ZNF385C: variants seen among roughly 807,000 people sequenced by gnomAD.
ZNF385C encodes the protein CTD-2132N18.2.
In ZNF385C, 28 loss-of-function variants were observed where a neutral mutation model predicts 35.4. The observed-to-expected ratio is 0.79, with a 90% CI of 0.59 to 1.08. The LOEUF (loss-of-function observed/expected upper bound fraction) is 1.08, where lower values mean the gene tolerates loss of function less well. Among genes scored for constraint, ZNF385C ranks in the 50% least tolerant of loss-of-function variants. The pLI, the probability that ZNF385C is intolerant of heterozygous loss-of-function variation, is 0.00. For missense variants in ZNF385C, 605 were observed against 595.6 expected (o/e 1.02, Z -0.16); for synonymous variants, 248 against 248.2 (o/e 1.00, Z 0.01).
At chr17:42,084,156 C>A (rs1307474880) in intron 1 of ZNF385C, among the ~76,000 whole-genome samples, 1 of 151,186 alleles carries the variant, frequency 6.6e-6, no homozygotes, top group Non-Finnish European at 1.5e-5. Context: ...CTAGTCTGTG[C>A]TGAACATATC....
rs933908296 is a variant in ZNF385C, at chr17:42,025,868, G to T, written c.*1029C>A. 3.3e-5 allele frequency: 5 copies of T among 152,288 alleles called. No individual in the cohort carries two copies. Among genetic ancestry groups the T allele is most frequent in the Admixed American group, 1.3e-4 (2 of 15,292 alleles). The allele number at this position is 152,288 out of a possible 1,614,324, so 9.4% of individuals were successfully genotyped here. A position where few individuals can be genotyped will look rare whatever the true frequency, so the allele number is the denominator to read the frequency against. On this transcript the variant is annotated 3_prime_UTR_variant, in exon 9 of 9. Coordinates refer to ENST00000692273, the MANE Select transcript of ZNF385C (RefSeq NM_001392013.1). ...CTCAGCTTCACAGTGGCAGGGGCTG[G>T]TTGGGAGAAGGGAAAGCTGAATTTA...
intron 2 of ZNF385C, chr17:42,040,835 C>T: frequency 8.1e-7 from 1 of 1,232,358 alleles, no homozygotes; most frequent in Non-Finnish European, 1.0e-6. Context: ...TCTGTCCGGC[C>T]AGGGAGACAA....
intron 3 of ZNF385C, 60 bp from the exon 4 acceptor site, chr17:42,034,395 G>T: frequency 7.8e-7 from 1 of 1,289,990 alleles, no homozygotes; most frequent in African/African-American, 1.5e-5. Context: ...CAGGGGTCGG[G>T]GGCAGCACAA....
chr17:42,072,846 T>TATCCCGCCTACCCCGGCTGACC (rs1567994499), intron 1 of ZNF385C, among the ~76,000 whole-genome samples: 1 of 151,658 alleles, frequency 6.6e-6, no homozygotes, highest in Non-Finnish European at 1.5e-5. Context: ...CACGGGTGAG[T>TATCCCGCCTACCCCGGCTGACC]ATCCCGCCTA....
intron 1 of ZNF385C, among the ~76,000 whole-genome samples, chr17:42,068,969 G>T (rs1555658606): frequency 6.6e-6 from 1 of 152,212 alleles, no homozygotes; most frequent in Non-Finnish European, 1.5e-5. Context: ...GTAGAAAGAG[G>T]TGGGGCCAGA....
At chr17:42,055,521 G>A (rs1332647747) in intron 2 of ZNF385C, among the ~76,000 whole-genome samples, 1 of 152,170 alleles carries the variant, frequency 6.6e-6, no homozygotes, top group Non-Finnish European at 1.5e-5. Flanking sequence ...AGGAGGCAGA[G>A]GCAGGTCAGA....
chr17:42,084,377 T>C (rs1035504389), intron 1 of ZNF385C, among the ~76,000 whole-genome samples: 14 of 151,620 alleles, frequency 9.2e-5, no homozygotes, highest in African/African-American at 3.4e-4. Flanking sequence ...TATTTTAGAA[T>C]GACCTATGAT....
At chr17:42,034,568 T>C (rs954725454) in intron 3 of ZNF385C, among the ~76,000 whole-genome samples, 10 of 151,160 alleles carry the variant, frequency 6.6e-5, no homozygotes, top group African/African-American at 1.7e-4. Context: ...TCACCTCAGG[T>C]TGGGAGTTCA....
chr17:42,075,765 A>C (rs1252174469), intron 1 of ZNF385C, among the ~76,000 whole-genome samples: 1 of 152,278 alleles, frequency 6.6e-6, no homozygotes, highest in African/African-American at 2.4e-5. Context: ...AAGTGCTGGG[A>C]TTACAGGCGT....
intron 2 of ZNF385C, among the ~76,000 whole-genome samples, chr17:42,060,227 T>C (rs1426964265): frequency 2.0e-5 from 3 of 152,122 alleles, no homozygotes; most frequent in Non-Finnish European, 4.4e-5. Context: ...CCACATCCCA[T>C]TGGCCACCAA....
chr17:42,074,040 C>T (rs1555659056), intron 1 of ZNF385C, among the ~76,000 whole-genome samples: 2 of 152,240 alleles, frequency 1.3e-5, no homozygotes, highest in African/African-American at 4.8e-5. Context: ...CACAGAGATA[C>T]CTCCTTGTCA....
At chr17:42,044,526 G>A (rs544181368) in intron 2 of ZNF385C, among the ~76,000 whole-genome samples, 1 of 151,602 alleles carries the variant, frequency 6.6e-6, no homozygotes, top group Non-Finnish European at 1.5e-5. Flanking sequence ...TGAGGCAGGA[G>A]AATCGCTTGA....
At chr17:42,068,437 C>T (rs1368102637) in intron 1 of ZNF385C, among the ~76,000 whole-genome samples, 2 of 137,010 alleles carry the variant, frequency 1.5e-5, no homozygotes, top group South Asian at 4.2e-4. Flanking sequence ...CAGCTGCTTA[C>T]GTCACATCTT....
Position 42,028,201 on chromosome 17 carries a change from C to A in ZNF385C, c.1013G>T (p.Arg338Leu). The A allele has an allele frequency of 6.4e-7, 1 of 1,572,198 alleles. No individual in the cohort carries two copies. The highest frequency in any genetic ancestry group is 1.9e-5 in the Admixed American group (1 of 51,666). The change falls in exon 7 of 9, where the codon CGG becomes CTG. Residue 338 changes from arginine to leucine, a missense_variant. Coordinates refer to ENST00000692273, the MANE Select transcript of ZNF385C (RefSeq NM_001392013.1). Reference sequence around the variant, plus strand: ...GGACACCGGGCGGCCCCGGCTCCTCCGGGGAGCCCCTCGCTGACCTTCCAT... The same window carrying A: ...GGACACCGGGCGGCCCCGGCTCCTCAGGGGAGCCCCTCGCTGACCTTCCAT... ...WMMEGQRGAP[R>L]RSRGRPVSRG... is the part of the protein sequence containing the mutation.
chr17:42,059,724 C>T (rs896249515), intron 2 of ZNF385C, among the ~76,000 whole-genome samples: 3 of 152,180 alleles, frequency 2.0e-5, no homozygotes, highest in East Asian at 1.9e-4. Flanking sequence ...TGTGTTCAAG[C>T]GATTCTTGTG....
At chr17:42,088,405 C>G (rs2053831398) in intron 1 of ZNF385C, among the ~76,000 whole-genome samples, 1 of 152,244 alleles carries the variant, frequency 6.6e-6, no homozygotes, top group African/African-American at 2.4e-5. Context: ...TGACAGAGGC[C>G]CCTTTGTCTC....
At chr17:42,035,469 C>CTG (rs1342671846) in intron 3 of ZNF385C, among the ~76,000 whole-genome samples, 1 of 151,696 alleles carries the variant, frequency 6.6e-6, no homozygotes, top group Non-Finnish European at 1.5e-5. Context: ...ATGCAGGGAC[C>CTG]TGTGGGCTGG....
chr17:42,048,558 A>G (rs2053218191), intron 2 of ZNF385C, among the ~76,000 whole-genome samples: 2 of 152,044 alleles, frequency 1.3e-5, no homozygotes, highest in Admixed American at 6.6e-5. Context: ...AAAAACAAAA[A>G]CAAAAGCAAA....
intron 2 of ZNF385C, among the ~76,000 whole-genome samples, chr17:42,054,383 G>A (rs1640796778): frequency 6.6e-6 from 1 of 152,124 alleles, no homozygotes; most frequent in Non-Finnish European, 1.5e-5. Flanking sequence ...ATCCCCTTAT[G>A]TTTAACTGCT....
Sources: gnomAD v4.1 joint callset for allele counts (sites outside exome capture counted in the v4.1 genomes callset) on GRCh38, gnomAD v4.1.1 for gene constraint, MANE v1.5 for transcripts, NCBI Gene and HGNC (gene_info 2026-07-23, HGNC 2026-07-21) for gene names.